FAM91A1: variants seen among roughly 807,000 people sequenced by gnomAD.
The protein encoded by FAM91A1 is family with sequence similarity 91 member A1, also known as protein FAM91A1.
FAM91A1 carries 41 observed loss-of-function variants against 113.5 expected under a neutral mutation model. That is an observed-to-expected ratio of 0.36 (90% CI 0.28 to 0.47). The LOEUF (loss-of-function observed/expected upper bound fraction) is 0.47, where lower values mean the gene tolerates loss of function less well. Ranked by LOEUF, FAM91A1 falls within the 20% of genes least tolerant of loss-of-function variation. FAM91A1 has a pLI of 1.00. For synonymous variants in FAM91A1, 307 were observed against 347.9 expected, an observed-to-expected ratio of 0.88 and a Z score of 1.31; for missense variants, 696 against 1,001.2, an observed-to-expected ratio of 0.70 and a Z score of 4.11.
rs933611484 is a variant in FAM91A1 at position 123,805,191 on chromosome 8, A to G, written c.1810-76A>G. On this transcript the variant is annotated intron_variant, in intron 18 of 23. Coordinates refer to ENST00000334705, the MANE Select transcript of FAM91A1 (RefSeq NM_144963.4). ...ATGGAATATACCATTACATGACACA[A>G]TCTTATTTACTTTTGAATATCAGTG... is the stretch of plus-strand genomic sequence containing the variant. 6 of 1,167,486 alleles carry G rather than the reference A, an allele frequency of 5.1e-6. No homozygotes were observed. The South Asian group carries it at 5.5e-5, about 11-fold the overall frequency. 72.3% of individuals were successfully genotyped at this position (1,167,486 alleles called of 1,614,324 possible). A position where few individuals can be genotyped will look rare whatever the true frequency, so the allele number is the denominator to read the frequency against.
At chr8:123,775,100 C>T in intron 2 of FAM91A1, 47 bp from the exon 3 acceptor site, 1 of 1,514,726 alleles carries the variant, frequency 6.6e-7, no homozygotes, top group Non-Finnish European at 8.9e-7. Context: ...TAATATATAA[C>T]TATAAGAAAC....
chr8:123,814,155 G>C lies in FAM91A1; in HGVS notation c.*1451G>C, dbSNP rs895361463. ...GCAGTAACGGTTAGTTTTCTACTTTGTCTTATAGAAGGTAGAAACCATGTG... is the reference window on the plus strand; with the variant it reads ...GCAGTAACGGTTAGTTTTCTACTTTCTCTTATAGAAGGTAGAAACCATGTG... On this transcript the variant is annotated 3_prime_UTR_variant, in exon 24 of 24. Coordinates refer to ENST00000334705, the MANE Select transcript of FAM91A1 (RefSeq NM_144963.4). 2.5e-6 allele frequency: 1 copy of C among 398,046 alleles called. No homozygotes were observed. Among genetic ancestry groups the C allele is most frequent in the Non-Finnish European group, 4.8e-6 (1 of 208,408 alleles). 24.7% of individuals were successfully genotyped at this position (398,046 alleles called of 1,614,324 possible).
chr8:123,784,917 TTAGAGA>T (rs1473772520), intron 9 of FAM91A1, 158 bp from the exon 10 acceptor site: 3 of 521,866 alleles, frequency 5.7e-6, no homozygotes, highest in Non-Finnish European at 1.0e-5. Flanking sequence ...TATAAGGATC[TTAGAGA>T]TAGGGAAAGA....
intron 23 of FAM91A1, 134 bp downstream of exon 23, chr8:123,810,485 A>AT: frequency 1.1e-6 from 1 of 905,248 alleles, no homozygotes; most frequent in African/African-American, 1.7e-5. Flanking sequence ...AAATGAAGAC[A>AT]TTGAGATTCA....
chr8:123,776,283 G>A lies in FAM91A1; in HGVS notation c.310-982G>A, dbSNP rs552413838. Among the ~76,000 whole-genome samples, 4 of 152,244 alleles carry A rather than the reference G, an allele frequency of 2.6e-5. No individual in the cohort carries two copies. The South Asian group carries it at 8.3e-4, about 32-fold the overall frequency. ...ATTATGTTTGAGTGCTTCTGTTTGGGGCTCACTAGCCGCTTGAAGAGCAGA... is the reference window on the plus strand; with the variant it reads ...ATTATGTTTGAGTGCTTCTGTTTGGAGCTCACTAGCCGCTTGAAGAGCAGA... On this transcript the variant is annotated intron_variant, in intron 3 of 23. Coordinates refer to ENST00000334705, the MANE Select transcript of FAM91A1 (RefSeq NM_144963.4).
In FAM91A1 at chr8:123,785,188, C is replaced by T; in HGVS notation, c.849+69C>T. On this transcript the variant is annotated intron_variant, in intron 10 of 23. Transcript: ENST00000334705. The stretch of plus-strand genomic sequence containing the variant: ...GTGGATTTTACTAGTAGATTTTTAT[C>T]TTGATAAGCTACTGAGAAACGAAGA... 3.2e-6 allele frequency: 4 copies of T among 1,246,922 alleles called. No individual in the cohort carries two copies. In the South Asian group the frequency reaches 4.5e-5, roughly 14 times the overall value. The allele number at this position is 1,246,922 out of a possible 1,614,324, so 77.2% of individuals were successfully genotyped here.
Position 123,810,267 on chromosome 8 carries a change from C to CTT in FAM91A1, c.2262-5_2262-4dup, listed in dbSNP as rs374624440. 3,556 of 1,185,164 alleles carry CTT rather than the reference C, an allele frequency of 3.0e-3. 56 individuals carry two copies. The African/African-American group carries it at 0.046, about 15-fold the overall frequency. 73.4% of individuals were successfully genotyped at this position (1,185,164 alleles called of 1,614,324 possible). ...ATGTTTGTTTTAAACTGTTTCTCGC[C>CTT]TTTTTTTTTTTCAGCCTTCAAAACC... On this transcript the variant is annotated splice_polypyrimidine_tract_variant and intron_variant, in intron 22 of 23. Coordinates refer to ENST00000334705, the MANE Select transcript of FAM91A1 (RefSeq NM_144963.4).
At position 123,810,278 on chromosome 8, in the gene FAM91A1, T is replaced by C. The variant is rs1815919476; in HGVS notation, c.2262-4T>C. On this transcript the variant is annotated splice_polypyrimidine_tract_variant and splice_region_variant and intron_variant, in intron 22 of 23. Transcript: ENST00000334705. The stretch of plus-strand genomic sequence containing the variant: ...AAACTGTTTCTCGCCTTTTTTTTTT[T>C]CAGCCTTCAAAACCTCTTACATTCC... 6 of 1,594,252 alleles carry C rather than the reference T, an allele frequency of 3.8e-6. No individual in the cohort carries two copies. The East Asian group carries it at 1.3e-4, about 36-fold the overall frequency.
At chr8:123,793,722 G>C (rs868687482) in intron 15 of FAM91A1, among the ~76,000 whole-genome samples, 3 of 152,084 alleles carry the variant, frequency 2.0e-5, no homozygotes, top group Admixed American at 1.3e-4. Context: ...GTCTTTTACT[G>C]GGGATTGCTA....
At chr8:123,800,049 G>C (rs1815636792) in intron 18 of FAM91A1, among the ~76,000 whole-genome samples, 164 bp downstream of exon 18, 1 of 152,142 alleles carries the variant, frequency 6.6e-6, no homozygotes. Flanking sequence ...TGGCAGTGTG[G>C]GAGTGGTAGA....
At position 123,785,616 on chromosome 8, in the gene FAM91A1, A is replaced by T; in HGVS notation, c.850-13A>T. 2 of 1,553,148 alleles carry T rather than the reference A, an allele frequency of 1.3e-6. No individual in the cohort carries two copies. Among genetic ancestry groups the T allele is most frequent in the Non-Finnish European group, 1.8e-6 (2 of 1,134,650 alleles). ...TTTTAAATGGTAATTAGTTTCCTTTATATTCCTTTCAGAATGCTGTTTCAA... is the reference window on the plus strand; with the variant it reads ...TTTTAAATGGTAATTAGTTTCCTTTTTATTCCTTTCAGAATGCTGTTTCAA... On this transcript the variant is annotated splice_polypyrimidine_tract_variant and intron_variant, in intron 10 of 23. Coordinates refer to ENST00000334705, the MANE Select transcript of FAM91A1 (RefSeq NM_144963.4).
chr8:123,786,622 C>T lies in FAM91A1; in HGVS notation c.1078+12C>T, dbSNP rs924080032. 5 of 1,593,448 alleles carry T rather than the reference C, an allele frequency of 3.1e-6. No homozygotes were observed. In the Admixed American group the frequency reaches 5.0e-5, roughly 16 times the overall value. On this transcript the variant is annotated intron_variant, in intron 12 of 23. Transcript: ENST00000334705. ...TCAAGAAGATCCAGGTTAGCAGTAA[C>T]TCAGTTTAACATAGAGTCTGTCTGT...
At chr8:123,796,670 G>A (rs1211754367) in intron 15 of FAM91A1, among the ~76,000 whole-genome samples, 1 of 151,292 alleles carries the variant, frequency 6.6e-6, no homozygotes, top group Non-Finnish European at 1.5e-5. Context: ...TGTTGACCAG[G>A]ATGGTCTCGA....
At position 123,798,181 on chromosome 8, in the gene FAM91A1, T is replaced by A; in HGVS notation, c.1503T>A (p.Leu501=). Residue 501 remains leucine, a synonymous_variant, in exon 16 of 24, where the codon CTT becomes CTA. Coordinates refer to ENST00000334705, the MANE Select transcript of FAM91A1 (RefSeq NM_144963.4). ...TTCTAAACAAAAATTACACGCTGCT[T>A]GTTTCCATGGCTCCCCTCACCAATG... is the stretch of plus-strand genomic sequence containing the variant. ...SRVLNKNYTL[L]VSMAPLTNEI... is the part of the protein sequence containing the mutation. 3.7e-6 allele frequency: 6 copies of A among 1,614,126 alleles called. No homozygotes were observed. Among genetic ancestry groups the A allele is most frequent in the Non-Finnish European group, 5.1e-6 (6 of 1,180,002 alleles).
chr8:123,771,941 A>G (rs1196826915), intron 1 of FAM91A1, among the ~76,000 whole-genome samples: 2 of 152,196 alleles, frequency 1.3e-5, no homozygotes, highest in Non-Finnish European at 2.9e-5. Context: ...GTATTTCTGC[A>G]GGGCTAGAGT....
chr8:123,772,979 C>T (rs542436576), intron 1 of FAM91A1, among the ~76,000 whole-genome samples: 31 of 152,186 alleles, frequency 2.0e-4, no homozygotes, highest in African/African-American at 7.2e-4. Flanking sequence ...GGAGGAAATA[C>T]AGGAAGTGTT....
At chr8:123,803,457 C>T (rs1193394791) in intron 18 of FAM91A1, among the ~76,000 whole-genome samples, 2 of 152,048 alleles carry the variant, frequency 1.3e-5, no homozygotes, top group Non-Finnish European at 2.9e-5. Context: ...ACTACAAGCT[C>T]ACGCCACCAT....
rs1246996040 is a variant in FAM91A1 at position 123,789,763 on chromosome 8, A to G, written c.1411+18A>G. The G allele has an allele frequency of 6.2e-7, 1 of 1,603,680 alleles. No individual in the cohort carries two copies. The highest frequency in any genetic ancestry group is 2.2e-5 in the East Asian group (1 of 44,690). On this transcript the variant is annotated intron_variant, in intron 15 of 23. Coordinates refer to ENST00000334705, the MANE Select transcript of FAM91A1 (RefSeq NM_144963.4). ...CAATTATGGTATGATAAATATATTTAATTTTGAAGACATGATCATATGAAA... is the reference window on the plus strand; with the variant it reads ...CAATTATGGTATGATAAATATATTTGATTTTGAAGACATGATCATATGAAA...
At chr8:123,796,813 C>G (rs995117955) in intron 15 of FAM91A1, among the ~76,000 whole-genome samples, 1 of 150,522 alleles carries the variant, frequency 6.6e-6, no homozygotes, top group Admixed American at 6.6e-5. Context: ...CCTGTAATCC[C>G]AACGCTTTGG....
Sources: gnomAD v4.1 joint callset for allele counts (sites outside exome capture counted in the v4.1 genomes callset) on GRCh38, gnomAD v4.1.1 for gene constraint, MANE v1.5 for transcripts, NCBI Gene and HGNC (gene_info 2026-07-23, HGNC 2026-07-21) for gene names.